ITGA9: variants seen among roughly 807,000 people sequenced by gnomAD.
The protein encoded by ITGA9 is integrin subunit alpha 9, also known as integrin alpha-9.
A neutral mutation model predicts 127.8 loss-of-function variants in ITGA9; 56 were observed. The ratio of observed to expected loss-of-function variants is 0.44; its 90% CI spans 0.35 to 0.55. ITGA9 has a LOEUF of 0.55. ITGA9 is among the 20% of genes least tolerant of loss of function. The pLI is 0.00. For synonymous variants in ITGA9, 508 were observed against 514.5 expected (o/e 0.99, Z 0.17); for missense variants, 1,196 against 1,347.1 (o/e 0.89, Z 1.76).
rs542158491 is a variant in ITGA9, at chr3:37,519,145, C to T, written c.1142-115C>T. ...GTCCCCAAATTAATGCTTGAACAAT[C>T]AACAACCAATAATTTCTGGTATCCA... On this transcript the variant is annotated intron_variant, in intron 10 of 27. Transcript: ENST00000264741. 32 of 724,176 alleles carry T rather than the reference C, an allele frequency of 4.4e-5. No individual in the cohort carries two copies. The South Asian group carries it at 4.6e-4, about 10-fold the overall frequency. 44.9% of individuals were successfully genotyped at this position (724,176 alleles called of 1,614,324 possible).
chr3:37,595,359 A>C (rs1442883359), intron 15 of ITGA9, among the ~76,000 whole-genome samples: 1 of 152,226 alleles, frequency 6.6e-6, no homozygotes, highest in Non-Finnish European at 1.5e-5. Context: ...ACAAGGAAGA[A>C]GTGCAGATGG....
chr3:37,743,218 C>T (rs545969127), intron 21 of ITGA9, among the ~76,000 whole-genome samples: 49 of 152,288 alleles, frequency 3.2e-4, no homozygotes, highest in African/African-American at 1.1e-3. Flanking sequence ...GTTGTCTATT[C>T]GGACTTAGTC....
At chr3:37,583,180 T>C (rs2125610779) in intron 15 of ITGA9, among the ~76,000 whole-genome samples, 1 of 152,330 alleles carries the variant, frequency 6.6e-6, no homozygotes, top group East Asian at 1.9e-4. Context: ...CTCTAATATA[T>C]ATTCTTGGTT....
At chr3:37,801,208 A>G (rs947547949) in intron 26 of ITGA9, among the ~76,000 whole-genome samples, 1 of 151,944 alleles carries the variant, frequency 6.6e-6, no homozygotes, top group Admixed American at 6.6e-5. Flanking sequence ...GAAACCAGGT[A>G]CTGTAGTTCA....
chr3:37,749,994 AG>A (rs1696561139), intron 22 of ITGA9, among the ~76,000 whole-genome samples: 1 of 152,116 alleles, frequency 6.6e-6, no homozygotes, highest in East Asian at 1.9e-4. Context: ...TGAATCTGCC[AG>A]CCCCACCCTA....
intron 4 of ITGA9, among the ~76,000 whole-genome samples, chr3:37,494,176 C>T (rs1698701439): frequency 6.6e-6 from 1 of 152,198 alleles, no homozygotes; most frequent in Non-Finnish European, 1.5e-5. Context: ...TGCAAGGGAT[C>T]TCTGTCCCTT....
intron 18 of ITGA9, among the ~76,000 whole-genome samples, chr3:37,696,422 T>G (rs1463918011): frequency 6.6e-6 from 1 of 152,270 alleles, no homozygotes; most frequent in Admixed American, 6.5e-5. Flanking sequence ...GACGTGTATT[T>G]CTTATTTTCA....
chr3:37,730,687 T>A (rs1436342263), intron 18 of ITGA9, among the ~76,000 whole-genome samples: 1 of 152,200 alleles, frequency 6.6e-6, no homozygotes, highest in Non-Finnish European at 1.5e-5. Context: ...AGCTACCCAG[T>A]GCATGCTCAG....
chr3:37,592,391 G>A (rs1699829471), intron 15 of ITGA9, among the ~76,000 whole-genome samples: 3 of 152,100 alleles, frequency 2.0e-5, no homozygotes, highest in Admixed American at 2.0e-4. Context: ...AATTCCTTAG[G>A]ACCTCCAGGA....
At chr3:37,769,774 G>T (rs564769467) in intron 23 of ITGA9, among the ~76,000 whole-genome samples, 1 of 152,328 alleles carries the variant, frequency 6.6e-6, no homozygotes, top group South Asian at 2.1e-4. Flanking sequence ...CTCTGGGTCA[G>T]ATATGAGAGG....
At chr3:37,818,143 A>T (rs1318334218) in intron 27 of ITGA9, 2 of 145,340 alleles carry the variant, frequency 1.4e-5, no homozygotes, top group Non-Finnish European at 3.0e-5. Context: ...TCCCCACCGG[A>T]ATTAATGGTA....
Position 37,513,787 on chromosome 3 carries a change from T to C in ITGA9, c.922T>C (p.Leu308=), listed in dbSNP as rs1043737198. 13 of 1,613,998 alleles carry C rather than the reference T, an allele frequency of 8.1e-6. No individual in the cohort carries two copies. The highest frequency in any genetic ancestry group is 1.0e-5 in the Non-Finnish European group (12 of 1,180,030). ...GATGGGCTCTTACTTCGGCTCCTCCTTGTGCGCAGTTGACCTGAATGGGGA... is the reference window on the plus strand; with the variant it reads ...GATGGGCTCTTACTTCGGCTCCTCCCTGTGCGCAGTTGACCTGAATGGGGA... ...KKMGSYFGSS[L]CAVDLNGDGL... is the part of the protein sequence containing the mutation. The change falls in exon 9 of 28, where the codon TTG becomes CTG. Residue 308 remains leucine (L), a synonymous_variant. Coordinates refer to ENST00000264741, the MANE Select transcript of ITGA9 (RefSeq NM_002207.3).
chr3:37,708,636 ATG>A (rs1559574479), intron 18 of ITGA9, among the ~76,000 whole-genome samples: 23 of 264 alleles, frequency 0.087, no homozygotes, highest in Middle Eastern at 0.5. Context: ...TATGCCAGGG[ATG>A]CTGCTAAATA....
intron 27 of ITGA9, among the ~76,000 whole-genome samples, chr3:37,813,851 T>C (rs541018549): frequency 1.8e-4 from 27 of 152,316 alleles, no homozygotes; most frequent in African/African-American, 5.3e-4. Flanking sequence ...CTTGCCTACT[T>C]TCCTCATCGG....
At chr3:37,722,812 T>C (rs1701205225) in intron 18 of ITGA9, among the ~76,000 whole-genome samples, 1 of 152,264 alleles carries the variant, frequency 6.6e-6, no homozygotes, top group Non-Finnish European at 1.5e-5. Flanking sequence ...GCTCATGTTT[T>C]TATTTCTCTT....
chr3:37,738,198 T>C (rs74990510), intron 20 of ITGA9, among the ~76,000 whole-genome samples: 2,884 of 152,354 alleles, frequency 0.019, 85 homozygotes, highest in African/African-American at 0.065. Flanking sequence ...TGTGATCTAA[T>C]AGAAGCCTAT....
At position 37,479,011 on chromosome 3, in the gene ITGA9, C is replaced by T. The variant is rs115904768; in HGVS notation, c.421-2473C>T. Among the ~76,000 whole-genome samples, 447 of 152,276 alleles carry T rather than the reference C, an allele frequency of 2.9e-3. 5 individuals are homozygous for T. Among genetic ancestry groups the T allele is most frequent in the African/African-American group, 1.0e-2 (415 of 41,554 alleles). On this transcript the variant is annotated intron_variant, in intron 3 of 27. Transcript: ENST00000264741. The stretch of plus-strand genomic sequence containing the variant: ...AGACAGCACCATGATAAACATCCGC[C>T]TCTTTTCACAGCCCCTCCAACTCAG...
At chr3:37,484,711 G>A (rs1698591360) in intron 4 of ITGA9, among the ~76,000 whole-genome samples, 1 of 152,038 alleles carries the variant, frequency 6.6e-6, no homozygotes, top group Non-Finnish European at 1.5e-5. Context: ...CACAGATTCT[G>A]GACACAGACT....
chr3:37,503,441 T>G (rs1469702584), intron 6 of ITGA9, 134 bp downstream of exon 6: 1 of 974,558 alleles, frequency 1.0e-6, no homozygotes, highest in Non-Finnish European at 1.6e-6. Context: ...GACTTACATC[T>G]TTAGCCAGGG....
Sources: gnomAD v4.1 joint callset for allele counts (sites outside exome capture counted in the v4.1 genomes callset) on GRCh38, gnomAD v4.1.1 for gene constraint, MANE v1.5 for transcripts, NCBI Gene and HGNC (gene_info 2026-07-23, HGNC 2026-07-21) for gene names.